The following GHR variants were observed in gnomAD, a reference collection of about 807,000 sequenced individuals.
The protein encoded by GHR is GH receptor.
In GHR, 35 loss-of-function variants were observed where a neutral mutation model predicts 67.1. The ratio of observed to expected loss-of-function variants is 0.52; its 90% CI spans 0.40 to 0.69. The LOEUF is 0.69. Ranked by LOEUF, GHR falls within the 30% of genes least tolerant of loss-of-function variation. The pLI is 0.00. For missense variants in GHR, 792 were observed against 764.6 expected (o/e 1.04, Z -0.42); for synonymous variants, 272 against 269.1 (o/e 1.01, Z -0.10).
chr5:42,491,052 C>A (rs1010578967), intron 1 of GHR, among the ~76,000 whole-genome samples: 2 of 152,184 alleles, frequency 1.3e-5, no homozygotes, highest in Admixed American at 6.5e-5. Context: ...ACTGGATGAG[C>A]AGAAACAGCC....
intron 4 of GHR, among the ~76,000 whole-genome samples, chr5:42,690,481 G>A (rs1244936381): frequency 3.3e-5 from 5 of 152,088 alleles, no homozygotes; most frequent in African/African-American, 9.7e-5. Flanking sequence ...CTTCTTATCG[G>A]TAGTATAGTG....
At chr5:42,614,478 A>G (rs566705901) in intron 2 of GHR, among the ~76,000 whole-genome samples, 76 of 151,344 alleles carry the variant, frequency 5.0e-4, no homozygotes, top group Middle Eastern at 3.5e-3. Context: ...TGCATTTCTA[A>G]CGAGCTTCCA....
intron 3 of GHR, among the ~76,000 whole-genome samples, chr5:42,665,683 A>T (rs1755925135): frequency 6.6e-6 from 1 of 152,028 alleles, no homozygotes; most frequent in Admixed American, 6.6e-5. Flanking sequence ...CCAGCATGCC[A>T]CATGTATACA....
At chr5:42,513,423 C>A (rs1747107025) in intron 1 of GHR, among the ~76,000 whole-genome samples, 1 of 152,160 alleles carries the variant, frequency 6.6e-6, no homozygotes. Context: ...CCACTCAGGG[C>A]CATGGAGAGG....
rs886060641 is a variant in GHR, at chr5:42,718,532, G to T, written c.1025G>T (p.Trp342Leu). 6.2e-7 allele frequency: 1 copy of T among 1,613,624 alleles called. No homozygotes were observed. Among genetic ancestry groups the T allele is most frequent in the East Asian group, 2.2e-5 (1 of 44,876 alleles). The change falls in exon 10 of 10, where the codon TGG (tryptophan) becomes TTG (leucine). Residue 342 changes from tryptophan to leucine, a missense_variant. By Grantham distance (61) the Trp-to-Leu change is moderately conservative. Transcript: ENST00000230882. ...YKPEFHSDDSWVEFIELDIDE... is the reference protein window; with the variant it reads ...YKPEFHSDDSLVEFIELDIDE... The stretch of plus-strand genomic sequence containing the variant: ...CCCGAATTCCACAGTGATGACTCTT[G>T]GGTTGAATTTATTGAGCTAGATATT...
chr5:42,683,634 T>TA (rs1756995522), intron 3 of GHR, among the ~76,000 whole-genome samples: 1 of 148,784 alleles, frequency 6.7e-6, no homozygotes, highest in Non-Finnish European at 1.5e-5. Context: ...TACCCAGCCA[T>TA]AAAATTTAAA....
chr5:42,511,216 C>G (rs1579843981), intron 1 of GHR, among the ~76,000 whole-genome samples: 1 of 152,160 alleles, frequency 6.6e-6, no homozygotes, highest in Non-Finnish European at 1.5e-5. Flanking sequence ...CGGATTTCTT[C>G]TTCTATTTCA....
intron 3 of GHR, among the ~76,000 whole-genome samples, chr5:42,660,896 T>TGTATA (rs1292553122): frequency 5.9e-5 from 9 of 151,866 alleles, no homozygotes; most frequent in Non-Finnish European, 1.3e-4. Flanking sequence ...GAATAACCAA[T>TGTATA]ACAGAGAAGT....
At chr5:42,581,856 G>A (rs1016975409) in intron 2 of GHR, among the ~76,000 whole-genome samples, 9 of 152,164 alleles carry the variant, frequency 5.9e-5, no homozygotes, top group East Asian at 1.9e-4. Flanking sequence ...GGGCATCCCC[G>A]TGCTCTCGGG....
At chr5:42,680,761 T>A (rs1462744873) in intron 3 of GHR, among the ~76,000 whole-genome samples, 1 of 152,064 alleles carries the variant, frequency 6.6e-6, no homozygotes, top group Non-Finnish European at 1.5e-5. Context: ...CGCCTCAGCC[T>A]CCCAAAGTGC....
intron 1 of GHR, among the ~76,000 whole-genome samples, chr5:42,523,588 G>T (rs1433584438): frequency 6.6e-6 from 1 of 152,074 alleles, no homozygotes; most frequent in African/African-American, 2.4e-5. Flanking sequence ...TGTTGTGTGT[G>T]TTCTGACTGC....
chr5:42,504,612 A>G (rs920264043), intron 1 of GHR, among the ~76,000 whole-genome samples: 3 of 152,048 alleles, frequency 2.0e-5, no homozygotes, highest in Non-Finnish European at 4.4e-5. Context: ...TACAAAAATT[A>G]GCTGGGAGTG....
chr5:42,554,055 G>T (rs1358986082), intron 1 of GHR, among the ~76,000 whole-genome samples: 2 of 152,082 alleles, frequency 1.3e-5, no homozygotes, highest in Non-Finnish European at 2.9e-5. Flanking sequence ...TAGCACATTT[G>T]GTTTGCACTG....
chr5:42,428,438 G>A (rs868252980), intron 1 of GHR, among the ~76,000 whole-genome samples: 3 of 152,226 alleles, frequency 2.0e-5, no homozygotes, highest in African/African-American at 2.4e-5. Flanking sequence ...CCTCTGACAT[G>A]TTCTGGAGAC....
intron 1 of GHR, chr5:42,550,203 A>G: frequency 2.7e-6 from 1 of 374,220 alleles, no homozygotes; most frequent in Non-Finnish European, 3.7e-6. Flanking sequence ...AGCCCATTGG[A>G]CTGGGGACAG....
At chr5:42,627,287 T>C (rs1753749579) in intron 2 of GHR, among the ~76,000 whole-genome samples, 1 of 152,210 alleles carries the variant, frequency 6.6e-6, no homozygotes, top group Non-Finnish European at 1.5e-5. Flanking sequence ...TAAACTCAAA[T>C]AATGTAGGAA....
chr5:42,612,034 G>GT (rs1226135175), intron 2 of GHR, among the ~76,000 whole-genome samples: 1 of 152,104 alleles, frequency 6.6e-6, no homozygotes, highest in East Asian at 1.9e-4. Flanking sequence ...ATATGATTTT[G>GT]GAAGGTTAGA....
chr5:42,605,090 CTT>C (rs57499086), intron 2 of GHR, among the ~76,000 whole-genome samples: 26 of 90,076 alleles, frequency 2.9e-4, no homozygotes, highest in African/African-American at 1.2e-3. Flanking sequence ...TGTGGTGCCT[CTT>C]TTTTTTTTTT....
chr5:42,700,229 T>A (rs1476249429), intron 6 of GHR, among the ~76,000 whole-genome samples: 1 of 152,174 alleles, frequency 6.6e-6, no homozygotes, highest in East Asian at 1.9e-4. Context: ...AAAGGAAAAC[T>A]ATTTCTCCAT....
Sources: allele counts gnomAD v4.1 joint callset (sites outside exome capture counted in the v4.1 genomes callset), GRCh38; gene constraint gnomAD v4.1.1; transcripts MANE v1.5; gene names NCBI Gene and HGNC (gene_info 2026-07-23, HGNC 2026-07-21).